Variants in CENPL observed in about 807,000 individuals in gnomAD.
CENPL encodes the protein interphase centromere complex protein 33.
Under a neutral mutation model 35.2 loss-of-function variants are expected in CENPL, and 20 were observed. The observed-to-expected ratio is 0.57, with a 90% confidence interval of 0.40 to 0.83. CENPL has a LOEUF of 0.83. Among genes scored for constraint, CENPL ranks in the 40% least tolerant of loss-of-function variants. The pLI, the probability that CENPL is intolerant of heterozygous loss-of-function variation, is 0.00. For synonymous variants in CENPL, 140 were observed against 140.6 expected (o/e 1.00, Z 0.03); for missense variants, 363 against 395.8 (o/e 0.92, Z 0.70).
intron 2 of CENPL, among the ~76,000 whole-genome samples, chr1:173,821,383 G>A (rs928930521): frequency 2.0e-5 from 3 of 151,992 alleles, no homozygotes; most frequent in Non-Finnish European, 4.4e-5. Context: ...TTTTAAACAG[G>A]GATCAATTAT....
intron 5 of CENPL, among the ~76,000 whole-genome samples, chr1:173,801,891 C>T (rs983662388): frequency 1.5e-4 from 23 of 151,254 alleles, no homozygotes; most frequent in Non-Finnish European, 3.1e-4. Flanking sequence ...GGTGTAGTGG[C>T]TCATGCTTGT....
chr1:173,807,963 T>C (rs1280708764), intron 3 of CENPL, among the ~76,000 whole-genome samples: 1 of 152,256 alleles, frequency 6.6e-6, no homozygotes, highest in Non-Finnish European at 1.5e-5. Context: ...TGATTTTGTC[T>C]ATTTAGTTCT....
chr1:173,803,624 C>T (rs1483438950), intron 4 of CENPL, 119 bp from the exon 5 acceptor site: 2 of 883,802 alleles, frequency 2.3e-6, no homozygotes, highest in Admixed American at 2.9e-5. Flanking sequence ...CAAAAAAAAA[C>T]ATAGAGGGAA....
At chr1:173,802,012 G>C (rs1649794467) in intron 5 of CENPL, among the ~76,000 whole-genome samples, 1 of 147,046 alleles carries the variant, frequency 6.8e-6, no homozygotes, top group Non-Finnish European at 1.5e-5. Context: ...GATGGGGTGA[G>C]ATTCTGTCTC....
intron 2 of CENPL, among the ~76,000 whole-genome samples, chr1:173,816,233 A>C (rs1392577079): frequency 6.6e-6 from 1 of 152,210 alleles, no homozygotes; most frequent in Non-Finnish European, 1.5e-5. Context: ...AGGAAGAATC[A>C]ATATCGTGAA....
At chr1:173,802,842 C>T (rs947631849) in intron 5 of CENPL, 121 bp downstream of exon 5, 4 of 666,488 alleles carry the variant, frequency 6.0e-6, no homozygotes, top group Non-Finnish European at 7.6e-6. Context: ...AAAATAAAAG[C>T]TCTCTATTGT....
intron 3 of CENPL, among the ~76,000 whole-genome samples, chr1:173,810,580 A>G (rs780335768): frequency 1.3e-5 from 2 of 152,204 alleles, no homozygotes; most frequent in Non-Finnish European, 2.9e-5. Context: ...TAAAATACAT[A>G]AAAACTCCTC....
At position 173,808,212 on chromosome 1, in the gene CENPL, C is replaced by A. The variant is rs1650423081; in HGVS notation, c.169-694G>T. Among the ~76,000 whole-genome samples the A allele has an allele frequency of 2.0e-5, 3 of 151,840 alleles. No individual in the cohort carries two copies. The South Asian group carries it at 6.2e-4, about 32-fold the overall frequency. Reference sequence around the variant, plus strand: ...CACAAGGTCAGGAGTTTGAGACCAGCCTAGCCAACATGGTAAAACCCCATC... The same window carrying A: ...CACAAGGTCAGGAGTTTGAGACCAGACTAGCCAACATGGTAAAACCCCATC... On this transcript the variant is annotated intron_variant, in intron 3 of 5. Transcript: ENST00000682279.
chr1:173,800,555 G>T, intron 5 of CENPL, 36 bp from the exon 6 acceptor site: 1 of 824,130 alleles, frequency 1.2e-6, no homozygotes, highest in Admixed American at 2.0e-5. Context: ...TTTAAAATTA[G>T]AATAGTATTA....
chr1:173,800,529 G>T lies in CENPL; in HGVS notation c.964-10C>A. On this transcript the variant is annotated splice_polypyrimidine_tract_variant and intron_variant, in intron 5 of 5. Transcript: ENST00000682279. Reference sequence around the variant, plus strand: ...ATTTATGACACAGAATCTGCAAAAAGAAAAAGAAGGAGACATTTAAAATTA... The same window carrying T: ...ATTTATGACACAGAATCTGCAAAAATAAAAAGAAGGAGACATTTAAAATTA... The T allele has an allele frequency of 8.5e-7, 1 of 1,169,988 alleles. No individual in the cohort carries two copies. Among genetic ancestry groups the T allele is most frequent in the Non-Finnish European group, 1.3e-6 (1 of 797,310 alleles). 72.5% of individuals were successfully genotyped at this position (1,169,988 alleles called of 1,614,324 possible). A position where few individuals can be genotyped will look rare whatever the true frequency, so the allele number is the denominator to read the frequency against.
intron 2 of CENPL, among the ~76,000 whole-genome samples, chr1:173,815,094 G>A (rs4971205): frequency 0.03 from 4,579 of 152,176 alleles, 220 homozygotes; most frequent in African/African-American, 0.098. Flanking sequence ...AGAAGAAATG[G>A]ATAAATTCCT....
In CENPL at chr1:173,802,884, G is replaced by A. The variant is rs922077853; in HGVS notation, c.963+79C>T. 2.9e-5 allele frequency: 27 copies of A among 915,462 alleles called. No homozygotes were observed. The African/African-American group carries it at 3.8e-4, about 13-fold the overall frequency. 56.7% of individuals were successfully genotyped at this position (915,462 alleles called of 1,614,324 possible). A position where few individuals can be genotyped will look rare whatever the true frequency, so the allele number is the denominator to read the frequency against. On this transcript the variant is annotated intron_variant, in intron 5 of 5. Transcript: ENST00000682279. ...TACATTCAAGTGTGTTTCTTCAATTGAGTGGACAATACAATCATCATACAT... is the reference window on the plus strand; with the variant it reads ...TACATTCAAGTGTGTTTCTTCAATTAAGTGGACAATACAATCATCATACAT...
chr1:173,804,897 A>G (rs2102568021), intron 4 of CENPL, among the ~76,000 whole-genome samples: 1 of 152,344 alleles, frequency 6.6e-6, no homozygotes. Flanking sequence ...ATACCCCTTC[A>G]GAAATGATCA....
At position 173,811,276 on chromosome 1, in the gene CENPL, C is replaced by T; in HGVS notation, c.24G>A (p.Glu8=). Residue 8 remains glutamate, a synonymous_variant, in exon 3 of 6, where the codon GAG becomes GAA. Coordinates refer to ENST00000682279, the MANE Select transcript of CENPL (RefSeq NM_001387287.1). ...GTCTTGAGGATGCACTAGGAGTTGA[C>T]TCTGGTGCACTGTAAGAATCCATGG... MDSYSAP[E]STPSASSRPE... 1 of 1,608,978 alleles carries T rather than the reference C, an allele frequency of 6.2e-7. No homozygotes were observed. Among genetic ancestry groups the T allele is most frequent in the Non-Finnish European group, 8.5e-7 (1 of 1,175,964 alleles).
At chr1:173,809,496 G>A (rs918552091) in intron 3 of CENPL, among the ~76,000 whole-genome samples, 2 of 151,940 alleles carry the variant, frequency 1.3e-5, no homozygotes, top group Non-Finnish European at 1.5e-5. Context: ...GGAGGCTGAG[G>A]CAGAAGAATC....
chr1:173,802,457 C>T (rs1241751177), intron 5 of CENPL, among the ~76,000 whole-genome samples: 5 of 152,150 alleles, frequency 3.3e-5, no homozygotes, highest in Admixed American at 1.3e-4. Flanking sequence ...CCGCCCGCCT[C>T]GGCCTCCCAA....
chr1:173,816,797 C>T (rs573971670), intron 2 of CENPL, among the ~76,000 whole-genome samples: 82 of 152,274 alleles, frequency 5.4e-4, no homozygotes, highest in African/African-American at 1.8e-3. Flanking sequence ...GACTAAAACA[C>T]CAAAAGCAAT....
At chr1:173,818,246 C>T (rs1348108428) in intron 2 of CENPL, among the ~76,000 whole-genome samples, 1 of 152,102 alleles carries the variant, frequency 6.6e-6, no homozygotes, top group Non-Finnish European at 1.5e-5. Flanking sequence ...AAGAGTTCTC[C>T]GTATCCAGAG....
At chr1:173,811,377 T>C (rs1050672502) in intron 2 of CENPL, 71 bp from the exon 3 acceptor site, 172 of 1,055,536 alleles carry the variant, frequency 1.6e-4, no homozygotes, top group South Asian at 3.6e-4. Flanking sequence ...TTTCACTGAT[T>C]CCTCACTCTA....
Sources: allele counts gnomAD v4.1 joint callset (sites outside exome capture counted in the v4.1 genomes callset), GRCh38; gene constraint gnomAD v4.1.1; transcripts MANE v1.5; gene names NCBI Gene and HGNC (gene_info 2026-07-23, HGNC 2026-07-21).